SLC61A1: variants seen among roughly 807,000 people sequenced by gnomAD.
SLC61A1 encodes the protein major facilitator superfamily domain containing 5.
the SLC61A1 span, chr12:53,253,920 G>A: frequency 6.2e-7 from 1 of 1,614,092 alleles, no homozygotes; most frequent in Non-Finnish European, 8.5e-7. Flanking sequence ...CCCAGCATGA[G>A]CTTCCTACGG....
the SLC61A1 span, chr12:53,252,045 G>A: frequency 2.0e-6 from 3 of 1,492,980 alleles, no homozygotes; most frequent in East Asian, 2.5e-5. Flanking sequence ...GGTAAGGGAA[G>A]GAGGGCGGGC....
the SLC61A1 span, chr12:53,253,423 A>C: frequency 1.2e-6 from 2 of 1,614,146 alleles, no homozygotes; most frequent in South Asian, 2.2e-5. Flanking sequence ...CCAGCTGGAT[A>C]GGGCTGGGGC....
chr12:53,252,003 A>C, the SLC61A1 span: 1 of 1,160,168 alleles, frequency 8.6e-7, no homozygotes, highest in South Asian at 1.6e-5. Flanking sequence ...CCCCTTCCCG[A>C]CCCACCCCAG....
chr12:53,251,847 T>C, the SLC61A1 span: 18 of 1,537,202 alleles, frequency 1.2e-5, no homozygotes, highest in Non-Finnish European at 1.3e-5. Flanking sequence ...TGCGGGCATC[T>C]TTCCCGAGCA....
At chr12:53,251,863 C>T in the SLC61A1 span, 2 of 1,537,150 alleles carry the variant, frequency 1.3e-6, no homozygotes, top group African/African-American at 2.7e-5. Context: ...GAGCACTGCA[C>T]GGAAGAAAAG....
chr12:53,253,732 C>A, the SLC61A1 span: 1 of 1,614,084 alleles, frequency 6.2e-7, no homozygotes, highest in African/African-American at 1.3e-5. Flanking sequence ...CTTCCCTGTA[C>A]CGTATCGCCA....
At chr12:53,252,308 G>A in the SLC61A1 span, 1 of 1,384,358 alleles carries the variant, frequency 7.2e-7, no homozygotes, top group South Asian at 1.7e-5. Context: ...GGATGTGGCA[G>A]GGCTGGGCAG....
chr12:53,252,816 A>G, the SLC61A1 span: 1 of 1,612,676 alleles, frequency 6.2e-7, no homozygotes, highest in South Asian at 1.1e-5. Context: ...CTCTCTTCCC[A>G]GGTCGTCCGG....
the SLC61A1 span, chr12:53,253,817 A>T: frequency 3.7e-6 from 6 of 1,613,782 alleles, no homozygotes; most frequent in Admixed American, 1.7e-5. Context: ...CTCTCTCTTC[A>T]TGTTGACTTT....
the SLC61A1 span, chr12:53,254,081 A>G: frequency 5.6e-6 from 9 of 1,614,084 alleles, no homozygotes; most frequent in Non-Finnish European, 7.6e-6. Flanking sequence ...CTCTGCTGTC[A>G]TGGTGATGGC....
At chr12:53,252,379 G>GC in the SLC61A1 span, 1 of 1,318,922 alleles carries the variant, frequency 7.6e-7, no homozygotes, top group East Asian at 3.3e-5. Flanking sequence ...AGATGCACAC[G>GC]CATGACCCTG....
chr12:53,252,179 C>G, the SLC61A1 span: 236 of 1,422,870 alleles, frequency 1.7e-4, no homozygotes, highest in African/African-American at 3.3e-3. Context: ...CTGCTGGAAC[C>G]CGAGCCGGAG....
the SLC61A1 span, chr12:53,252,033 C>T: frequency 2.4e-4 from 84 of 348,724 alleles, no homozygotes; most frequent in Admixed American, 6.4e-4. Context: ...GTTCCGCGCC[C>T]GGGTAAGGGA....
At chr12:53,253,570 G>T in the SLC61A1 span, 2 of 1,613,810 alleles carry the variant, frequency 1.2e-6, no homozygotes, top group African/African-American at 2.7e-5. Context: ...GCCTCCTGTC[G>T]GACCGCCGCG....
At chr12:53,251,676 A>C in the SLC61A1 span, 1 of 1,475,890 alleles carries the variant, frequency 6.8e-7, no homozygotes. Flanking sequence ...CCCGACTCCA[A>C]GTTCTTTACA....
the SLC61A1 span, chr12:53,252,749 C>T: frequency 6.5e-7 from 1 of 1,537,792 alleles, no homozygotes; most frequent in Non-Finnish European, 8.7e-7. Flanking sequence ...CTGCCATCTG[C>T]TTAAGACAGC....
chr12:53,252,344 A>C, the SLC61A1 span: 4 of 1,345,570 alleles, frequency 3.0e-6, no homozygotes, highest in South Asian at 7.2e-5. Context: ...GTGGGGTGCC[A>C]GTGACCTGGA....
the SLC61A1 span, chr12:53,253,576 C>T: frequency 1.9e-6 from 3 of 1,613,874 alleles, no homozygotes; most frequent in Non-Finnish European, 2.5e-6. Context: ...TGTCGGACCG[C>T]CGCGTGCTGC....
the SLC61A1 span, chr12:53,252,996 C>G: frequency 6.2e-7 from 1 of 1,614,236 alleles, no homozygotes; most frequent in Non-Finnish European, 8.5e-7. Context: ...CTGGCCCTGG[C>G]AGCTGATTGG....
Sources: allele counts gnomAD v4.1 joint callset, GRCh38; gene constraint gnomAD v4.1.1; transcripts MANE v1.5; gene names NCBI Gene and HGNC (gene_info 2026-07-23, HGNC 2026-07-21).